The following EMCN variants were observed in gnomAD, a reference collection of about 807,000 sequenced individuals.
The protein encoded by EMCN is MUC-14.
Under a neutral mutation model 38.4 loss-of-function variants are expected in EMCN, and 37 were observed. The observed-to-expected ratio is 0.96, with a 90% CI of 0.74 to 1.27. The LOEUF (loss-of-function observed/expected upper bound fraction) is 1.27. EMCN is among the 50% of genes most tolerant of loss of function. The probability of loss-of-function intolerance (pLI) is 0.00; values close to 1 mark genes in which losing one functional copy is unlikely to be tolerated. For synonymous variants in EMCN, 95 were observed against 100.8 expected, an observed-to-expected ratio of 0.94 and a Z score of 0.35; for missense variants, 318 against 302.8, an observed-to-expected ratio of 1.05 and a Z score of -0.37.
chr4:100,494,119 T>C (rs369540369), intron 1 of EMCN, among the ~76,000 whole-genome samples: 1 of 152,202 alleles, frequency 6.6e-6, no homozygotes. Context: ...GAGGCCATCA[T>C]GTATTTATCC....
At chr4:100,422,548 A>G (rs1166535945) in intron 7 of EMCN, among the ~76,000 whole-genome samples, 3 of 151,978 alleles carry the variant, frequency 2.0e-5, no homozygotes, top group Non-Finnish European at 2.9e-5. Context: ...TTAATGTTCT[A>G]TGAAGGCAAA....
At chr4:100,498,410 T>C (rs1439597477) in intron 1 of EMCN, among the ~76,000 whole-genome samples, 1 of 152,042 alleles carries the variant, frequency 6.6e-6, no homozygotes, top group African/African-American at 2.4e-5. Flanking sequence ...GGAATGTAAA[T>C]TATAATTATA....
chr4:100,480,676 A>G (rs1419323341), intron 1 of EMCN, among the ~76,000 whole-genome samples: 1 of 152,042 alleles, frequency 6.6e-6, no homozygotes, highest in East Asian at 1.9e-4. Flanking sequence ...TAATAGGGCC[A>G]CCATAAATCC....
At chr4:100,439,098 T>C (rs1727436062) in intron 5 of EMCN, among the ~76,000 whole-genome samples, 1 of 152,122 alleles carries the variant, frequency 6.6e-6, no homozygotes, top group African/African-American at 2.4e-5. Flanking sequence ...TTGTCTGACT[T>C]AGGTATCAAG....
chr4:100,505,526 G>A (rs1336783554), intron 1 of EMCN, among the ~76,000 whole-genome samples: 2 of 152,138 alleles, frequency 1.3e-5, no homozygotes, highest in Non-Finnish European at 2.9e-5. Flanking sequence ...GATGACCAGT[G>A]CTTTGGAAGG....
intron 1 of EMCN, among the ~76,000 whole-genome samples, chr4:100,498,737 C>T (rs1729275498): frequency 1.3e-5 from 2 of 152,116 alleles, no homozygotes; most frequent in South Asian, 2.1e-4. Flanking sequence ...CCACCGTGCC[C>T]GGCCTATGCA....
intron 10 of EMCN, among the ~76,000 whole-genome samples, chr4:100,414,001 T>G (rs1251450268): frequency 6.6e-6 from 1 of 152,206 alleles, no homozygotes; most frequent in Non-Finnish European, 1.5e-5. Flanking sequence ...CTATTACATT[T>G]GCAACGAAGA....
At position 100,402,609 on chromosome 4, in the gene EMCN, T is replaced by C. The variant is rs141936339; in HGVS notation, c.*40-4236A>G. Among the ~76,000 whole-genome samples the C allele has an allele frequency of 7.9e-5, 12 of 152,250 alleles. 1 individual carries two copies. Among genetic ancestry groups the C allele is most frequent in the African/African-American group, 2.9e-4 (12 of 41,560 alleles). The stretch of plus-strand genomic sequence containing the variant: ...CCCATTACTTTCTGATCTTTACTCT[T>C]CAGAACATCATTATATAATTCCAAA... On this transcript the variant is annotated intron_variant, in intron 11 of 11. Coordinates refer to ENST00000296420, the MANE Select transcript of EMCN (RefSeq NM_016242.4).
intron 8 of EMCN, among the ~76,000 whole-genome samples, chr4:100,419,492 C>T (rs542989654): frequency 6.6e-6 from 1 of 152,226 alleles, no homozygotes; most frequent in East Asian, 1.9e-4. Context: ...GAACTTTATA[C>T]ATCCATGGAA....
chr4:100,410,076 G>C (rs2110209265), intron 11 of EMCN, among the ~76,000 whole-genome samples: 1 of 152,226 alleles, frequency 6.6e-6, no homozygotes, highest in Non-Finnish European at 1.5e-5. Context: ...CAAGAGAATT[G>C]GACAAATCGT....
At chr4:100,419,048 C>A (rs2110215796) in intron 8 of EMCN, among the ~76,000 whole-genome samples, 1 of 152,046 alleles carries the variant, frequency 6.6e-6, no homozygotes, top group Non-Finnish European at 1.5e-5. Flanking sequence ...TTCTCTCCAG[C>A]AAAATGTATT....
At chr4:100,514,220 T>C (rs1468041842) in intron 1 of EMCN, among the ~76,000 whole-genome samples, 4 of 152,010 alleles carry the variant, frequency 2.6e-5, no homozygotes, top group African/African-American at 9.7e-5. Context: ...CAAAACCAAA[T>C]ACCATTTTTC....
At chr4:100,466,343 AAC>A in intron 3 of EMCN, among the ~76,000 whole-genome samples, 1 of 152,326 alleles carries the variant, frequency 6.6e-6, no homozygotes, top group East Asian at 1.9e-4. Flanking sequence ...GTAGATCTCT[AAC>A]ACAGAGTAGA....
At chr4:100,420,585 A>C (rs907853860) in intron 8 of EMCN, among the ~76,000 whole-genome samples, 21 of 152,148 alleles carry the variant, frequency 1.4e-4, no homozygotes, top group Admixed American at 6.6e-5. Flanking sequence ...AGTAAAGAAG[A>C]GGCAAATTTC....
chr4:100,426,759 G>C (rs1181167511), intron 5 of EMCN, among the ~76,000 whole-genome samples: 1 of 151,888 alleles, frequency 6.6e-6, no homozygotes, highest in Non-Finnish European at 1.5e-5. Flanking sequence ...TTTTTTTTGG[G>C]AAGCCTAACT....
chr4:100,465,565 G>T, intron 3 of EMCN, 26 bp from the exon 4 acceptor site: 1 of 1,270,242 alleles, frequency 7.9e-7, no homozygotes. Context: ...ACAGTCATCA[G>T]GAGTATAACA....
intron 11 of EMCN, among the ~76,000 whole-genome samples, chr4:100,409,188 T>C (rs1190196247): frequency 6.6e-6 from 1 of 152,098 alleles, no homozygotes; most frequent in East Asian, 1.9e-4. Context: ...GTGACTATCA[T>C]TGTGGTCAGG....
intron 1 of EMCN, among the ~76,000 whole-genome samples, chr4:100,515,152 C>T (rs1240733168): frequency 6.6e-6 from 1 of 152,016 alleles, no homozygotes; most frequent in African/African-American, 2.4e-5. Flanking sequence ...TAATATTTCC[C>T]AAGTTAAGGC....
At chr4:100,473,448 G>A (rs1470965481) in intron 3 of EMCN, among the ~76,000 whole-genome samples, 1 of 128,590 alleles carries the variant, frequency 7.8e-6, no homozygotes, top group Non-Finnish European at 1.6e-5. Context: ...TGGAAATGAT[G>A]TTAGACAAAA....
Sources: gnomAD v4.1 joint callset for allele counts (sites outside exome capture counted in the v4.1 genomes callset) on GRCh38, gnomAD v4.1.1 for gene constraint, MANE v1.5 for transcripts, NCBI Gene and HGNC (gene_info 2026-07-23, HGNC 2026-07-21) for gene names.